TTF1: variants seen among roughly 807,000 people sequenced by gnomAD.
The protein encoded by TTF1 is transcription termination factor 1.
In TTF1, 64 loss-of-function variants were observed where a neutral mutation model predicts 80.2. That is an observed-to-expected ratio of 0.80 (90% confidence interval 0.65 to 0.98). The LOEUF is 0.98. Among genes scored for constraint, TTF1 ranks in the 50% least tolerant of loss-of-function variants. TTF1 has a pLI of 0.00. For missense variants in TTF1, 1,023 were observed against 1,086.2 expected (o/e 0.94, Z 0.82); for synonymous variants, 372 against 382.7 (o/e 0.97, Z 0.33).
At position 132,402,327 on chromosome 9, in the gene TTF1, C is replaced by T; in HGVS notation, c.495G>A (p.Glu165=). 2 of 1,614,086 alleles carry T rather than the reference C, an allele frequency of 1.2e-6. No homozygotes were observed. Among genetic ancestry groups the T allele is most frequent in the East Asian group, 2.2e-5 (1 of 44,880 alleles). Residue 165 remains glutamate (E), a synonymous_variant, in exon 2 of 11, where the codon GAG becomes GAA. Transcript: ENST00000334270. The part of the protein sequence containing the change: ...KSEALHSKVR[E]KKNKKHQRKA... The stretch of plus-strand genomic sequence containing the variant: ...TCCTCTGATGCTTTTTATTCTTTTT[C>T]TCCCTAACTTTACTGTGCAGGGCTT...
At position 132,401,780 on chromosome 9, in the gene TTF1, C is replaced by T; in HGVS notation, c.1042G>A (p.Ala348Thr). 1 of 1,614,136 alleles carries T rather than the reference C, an allele frequency of 6.2e-7. No homozygotes were observed. The highest frequency in any genetic ancestry group is 1.1e-5 in the South Asian group (1 of 91,076). Residue 348 changes from alanine (A) to threonine (T), a missense_variant, in exon 2 of 11, where the codon GCC becomes ACC. By Grantham distance (58) the Ala-to-Thr change is moderately conservative. Transcript: ENST00000334270. The stretch of plus-strand genomic sequence containing the variant: ...GCACTCTCGAGGCTCTCAGGCATGG[C>T]CACTGCCTCAAATTCCTGGTGATTG... ...KSNHQEFEAVAMPESLESAYP... is the reference protein window; with the variant it reads ...KSNHQEFEAVTMPESLESAYP...
At chr9:132,393,921 T>G (rs1389714410) in intron 5 of TTF1, among the ~76,000 whole-genome samples, 2 of 151,786 alleles carry the variant, frequency 1.3e-5, no homozygotes, top group Admixed American at 6.6e-5. Context: ...AAATACAATT[T>G]CTTTTTTTTT....
chr9:132,387,949 C>T (rs1849498431), intron 8 of TTF1, among the ~76,000 whole-genome samples, 190 bp downstream of exon 8: 1 of 152,190 alleles, frequency 6.6e-6, no homozygotes, highest in Admixed American at 6.5e-5. Context: ...TTATCGTCAT[C>T]CTCAGTAGAT....
chr9:132,393,369 T>C (rs1290415205), intron 5 of TTF1, among the ~76,000 whole-genome samples: 6 of 151,984 alleles, frequency 3.9e-5, no homozygotes, highest in Admixed American at 6.6e-5. Context: ...TTCACGGGAA[T>C]GAGGGCAAGG....
At chr9:132,387,018 C>T (rs534453227) in intron 8 of TTF1, among the ~76,000 whole-genome samples, 13 of 152,142 alleles carry the variant, frequency 8.5e-5, no homozygotes, top group Admixed American at 2.0e-4. Context: ...ACTGCAGTGG[C>T]GTGATCGTGG....
Position 132,384,566 on chromosome 9 carries a change from C to T in TTF1, c.2378+1990G>A, listed in dbSNP as rs1033422669. Among the ~76,000 whole-genome samples the T allele has an allele frequency of 2.6e-5, 4 of 152,288 alleles. No homozygotes were observed. Among genetic ancestry groups the T allele is most frequent in the African/African-American group, 9.6e-5 (4 of 41,554 alleles). ...GCAGACATTTTGCATAAACCATCTACGGAAAATAGATACTGGTTTCCTGTA... is the reference window on the plus strand; with the variant it reads ...GCAGACATTTTGCATAAACCATCTATGGAAAATAGATACTGGTTTCCTGTA... On this transcript the variant is annotated intron_variant, in intron 9 of 10. Transcript: ENST00000334270. The surrounding 1 kb of genome is among the most constrained non-coding windows in gnomAD (Gnocchi z 4.1).
chr9:132,401,266 C>T lies in TTF1; in HGVS notation c.1367+189G>A, dbSNP rs145884952. ...GCTTGAACCCGGGAAGTGGAGGGTG[C>T]GGTAAGCCGAGATTGCACCATTGCA... On this transcript the variant is annotated intron_variant, in intron 2 of 10. Coordinates refer to ENST00000334270, the MANE Select transcript of TTF1 (RefSeq NM_007344.4). Among the ~76,000 whole-genome samples the T allele has an allele frequency of 2.0e-3, 296 of 151,668 alleles. 1 individual carries two copies. Among genetic ancestry groups the T allele is most frequent in the African/African-American group, 6.2e-3 (258 of 41,332 alleles).
chr9:132,396,311 G>A lies in TTF1; in HGVS notation c.1856+122C>T, dbSNP rs935330025. The A allele has an allele frequency of 7.2e-6, 7 of 967,968 alleles. No homozygotes were observed. The African/African-American group carries it at 9.7e-5, about 13-fold the overall frequency. The allele number at this position is 967,968 out of a possible 1,614,324, so 60.0% of individuals were successfully genotyped here. On this transcript the variant is annotated intron_variant, in intron 5 of 10. Coordinates refer to ENST00000334270, the MANE Select transcript of TTF1 (RefSeq NM_007344.4). ...ACATTTGACAACAAATACACCACCT[G>A]GTTTCACACACACAAATCTGCGTTA...
At position 132,402,737 on chromosome 9, in the gene TTF1, G is replaced by C. The variant is rs1200602104; in HGVS notation, c.85C>G (p.Pro29Ala). Residue 29 changes from proline to alanine, a missense_variant, in exon 2 of 11, where the codon CCT becomes GCT. Pro to Ala is a conservative substitution (Grantham distance 27, BLOSUM62 -1). Coordinates refer to ENST00000334270, the MANE Select transcript of TTF1 (RefSeq NM_007344.4). ...KKKCSIHKER[P>A]QKHSHEIFRD... ...AAAATTTCGTGGGAATGTTTCTGAG[G>C]TCTTTCCTTATGTATAGAACACTTT... The C allele has an allele frequency of 1.2e-6, 2 of 1,613,860 alleles. No individual in the cohort carries two copies. The highest frequency in any genetic ancestry group is 1.3e-5 in the African/African-American group (1 of 74,932).
chr9:132,378,286 TGTG>T (rs1849282908), intron 10 of TTF1, among the ~76,000 whole-genome samples: 1 of 116,224 alleles, frequency 8.6e-6, no homozygotes, highest in Non-Finnish European at 1.7e-5. Flanking sequence ...TGTGAATGCA[TGTG>T]GTGAGTGCAT....
At chr9:132,376,629 G>A (rs550429129) in intron 10 of TTF1, among the ~76,000 whole-genome samples, 1 of 151,372 alleles carries the variant, frequency 6.6e-6, no homozygotes, top group African/African-American at 2.4e-5. Context: ...GAATTGGTAC[G>A]TAGGTCTGAA....
intron 9 of TTF1, among the ~76,000 whole-genome samples, chr9:132,383,850 G>A (rs527660814): frequency 6.6e-6 from 1 of 152,250 alleles, no homozygotes; most frequent in Admixed American, 6.5e-5. Context: ...CCACCACCGA[G>A]GGGCTTTCTC....
chr9:132,397,999 AG>A, intron 4 of TTF1, 141 bp downstream of exon 4: 2 of 615,048 alleles, frequency 3.3e-6, no homozygotes, highest in Non-Finnish European at 5.1e-6. Flanking sequence ...AAAAAAAAAA[AG>A]AATATCATCA....
intron 4 of TTF1, among the ~76,000 whole-genome samples, chr9:132,396,940 G>A (rs1368408511): frequency 1.3e-5 from 2 of 151,976 alleles, no homozygotes; most frequent in East Asian, 3.9e-4. Context: ...TTCATTTGGT[G>A]GCCAGGCTGG....
intron 6 of TTF1, 22 bp downstream of exon 6, chr9:132,392,054 G>A (rs1849568286): frequency 6.2e-7 from 1 of 1,613,328 alleles, no homozygotes; most frequent in Non-Finnish European, 8.5e-7. Context: ...CAGCGAGGTG[G>A]GCACTGGGGG....
chr9:132,377,985 GGTGT>G (rs1227514336), intron 10 of TTF1, among the ~76,000 whole-genome samples: 1 of 118,456 alleles, frequency 8.4e-6, no homozygotes, highest in Non-Finnish European at 1.7e-5. Flanking sequence ...GCATGCATGT[GGTGT>G]GAGTGCATGT....
At chr9:132,400,799 G>C (rs776122696) in intron 2 of TTF1, among the ~76,000 whole-genome samples, 6 of 152,068 alleles carry the variant, frequency 3.9e-5, no homozygotes, top group Non-Finnish European at 8.8e-5. Context: ...ATTTCCACTG[G>C]TTATTTGCTC....
At chr9:132,397,312 C>T (rs936459309) in intron 4 of TTF1, among the ~76,000 whole-genome samples, 7 of 152,166 alleles carry the variant, frequency 4.6e-5, no homozygotes, top group African/African-American at 7.2e-5. Flanking sequence ...AATCCCTCAA[C>T]GGGGGCGTAC....
intron 9 of TTF1, among the ~76,000 whole-genome samples, chr9:132,380,722 G>A (rs1481508329): frequency 6.6e-6 from 1 of 152,168 alleles, no homozygotes; most frequent in Non-Finnish European, 1.5e-5. Context: ...AGAATCTGAG[G>A]AGACTGAACC....
Sources: allele counts gnomAD v4.1 joint callset (sites outside exome capture counted in the v4.1 genomes callset), GRCh38; gene constraint gnomAD v4.1.1; non-coding constraint Gnocchi (gnomAD v3.1); transcripts MANE v1.5; gene names NCBI Gene and HGNC (gene_info 2026-07-23, HGNC 2026-07-21).